KLHL1: variants seen among roughly 807,000 people sequenced by gnomAD.
KLHL1 encodes the protein kelch-like protein 1.
KLHL1 carries 47 observed loss-of-function variants against 77.7 expected under a neutral mutation model. That is an observed-to-expected ratio of 0.60 (90% CI 0.48 to 0.77). KLHL1 has a LOEUF of 0.77. KLHL1 is among the 30% of genes least tolerant of loss of function. The pLI, the probability that KLHL1 is intolerant of heterozygous loss-of-function variation, is 0.00. For missense variants in KLHL1, 925 were observed against 910.8 expected (o/e 1.02, Z -0.20); for synonymous variants, 360 against 325.2 (o/e 1.11, Z -1.15).
rs572951576 is a variant in KLHL1, at chr13:69,968,308, A to G, written c.681-6864T>C. Among the ~76,000 whole-genome samples, 38 of 143,318 alleles carry G rather than the reference A, an allele frequency of 2.7e-4. 1 individual carries two copies. The South Asian group carries it at 8.2e-3, about 31-fold the overall frequency. The allele number at this position is 143,318 out of a possible 152,430, so 94.0% of individuals were successfully genotyped here. A position where few individuals can be genotyped will look rare whatever the true frequency, so the allele number is the denominator to read the frequency against. Reference sequence around the variant, plus strand: ...GTGCTACTGCACACTTATTAGACCTATGGTATCATGTAAATAGAACTGATA... The same window carrying G: ...GTGCTACTGCACACTTATTAGACCTGTGGTATCATGTAAATAGAACTGATA... On this transcript the variant is annotated intron_variant, in intron 2 of 10. Coordinates refer to ENST00000377844, the MANE Select transcript of KLHL1 (RefSeq NM_020866.3).
At chr13:69,748,146 G>A (rs745575917) in intron 7 of KLHL1, among the ~76,000 whole-genome samples, 39 of 151,912 alleles carry the variant, frequency 2.6e-4, no homozygotes, top group Non-Finnish European at 4.6e-4. Context: ...ATTAACCAAA[G>A]TATTGCCAGT....
intron 7 of KLHL1, among the ~76,000 whole-genome samples, chr13:69,752,694 G>C (rs1268647021): frequency 6.6e-6 from 1 of 152,138 alleles, no homozygotes; most frequent in Admixed American, 6.6e-5. Context: ...TGAGGCCACT[G>C]ACCTGGGGGT....
At chr13:69,979,142 A>T (rs558371502) in intron 1 of KLHL1, among the ~76,000 whole-genome samples, 89 of 150,096 alleles carry the variant, frequency 5.9e-4, no homozygotes, top group Middle Eastern at 6.9e-3. Context: ...ATGGGATTAA[A>T]AAAACAGAAA....
At chr13:69,895,744 G>A (rs562638345) in intron 4 of KLHL1, among the ~76,000 whole-genome samples, 22 of 142,312 alleles carry the variant, frequency 1.5e-4, no homozygotes, top group South Asian at 6.7e-4. Context: ...TTGCTCTGTC[G>A]CCCAAGTTGA....
chr13:70,102,127 C>A (rs933969400), intron 1 of KLHL1, among the ~76,000 whole-genome samples: 1 of 152,100 alleles, frequency 6.6e-6, no homozygotes, highest in East Asian at 1.9e-4. Context: ...TTGGTTATCC[C>A]CTTGACTGAG....
chr13:69,783,032 TTTTCCAGCCACCGCTGCTGA>T (rs1457661826), intron 7 of KLHL1, among the ~76,000 whole-genome samples: 7 of 152,100 alleles, frequency 4.6e-5, no homozygotes, highest in Non-Finnish European at 1.0e-4. Flanking sequence ...GCCACTGCTG[TTTTCCAGCCACCGCTGCTGA>T]TACCCAGGCA....
At chr13:69,956,096 GAT>G (rs1038076152) in intron 3 of KLHL1, among the ~76,000 whole-genome samples, 12 of 125,488 alleles carry the variant, frequency 9.6e-5, no homozygotes, top group African/African-American at 2.6e-4. Flanking sequence ...TTATATATTT[GAT>G]ATATATATTT....
chr13:69,739,271 C>T (rs1034626590), intron 8 of KLHL1, among the ~76,000 whole-genome samples: 6 of 152,058 alleles, frequency 3.9e-5, no homozygotes, highest in African/African-American at 7.2e-5. Flanking sequence ...ATGAAAAGGA[C>T]GAATTGTTAC....
chr13:70,057,782 C>CAAAAAAAAAA (rs60920874), intron 1 of KLHL1, among the ~76,000 whole-genome samples: 1 of 62,250 alleles, frequency 1.6e-5, no homozygotes, highest in Non-Finnish European at 2.8e-5. Context: ...GACTCCGTCT[C>CAAAAAAAAAA]AAAAAAAAAA....
At chr13:69,919,413 T>G (rs1882558295) in intron 4 of KLHL1, among the ~76,000 whole-genome samples, 1 of 152,102 alleles carries the variant, frequency 6.6e-6, no homozygotes, top group African/African-American at 2.4e-5. Context: ...GCTGACATGG[T>G]TTGAATTCTA....
chr13:69,834,099 T>C (rs1026803989), intron 6 of KLHL1, among the ~76,000 whole-genome samples: 27 of 150,650 alleles, frequency 1.8e-4, no homozygotes, highest in African/African-American at 6.1e-4. Flanking sequence ...GATGAAAGAG[T>C]GGAGGTTGAG....
intron 1 of KLHL1, among the ~76,000 whole-genome samples, chr13:70,063,895 T>G (rs1307966436): frequency 6.6e-6 from 1 of 152,096 alleles, no homozygotes; most frequent in Non-Finnish European, 1.5e-5. Flanking sequence ...TTTATATGAT[T>G]GGATGCTTTC....
At chr13:70,079,953 T>C (rs1378290873) in intron 1 of KLHL1, among the ~76,000 whole-genome samples, 1 of 152,322 alleles carries the variant, frequency 6.6e-6, no homozygotes, top group East Asian at 1.9e-4. Context: ...TGATCGCCAG[T>C]GCAGGTTCAC....
intron 4 of KLHL1, among the ~76,000 whole-genome samples, chr13:69,916,564 G>C (rs1269025093): frequency 6.6e-6 from 1 of 151,882 alleles, no homozygotes; most frequent in Non-Finnish European, 1.5e-5. Context: ...CAGAGGAAGG[G>C]GAACATCACA....
At chr13:69,979,319 A>G (rs1210098621) in intron 1 of KLHL1, among the ~76,000 whole-genome samples, 1 of 151,856 alleles carries the variant, frequency 6.6e-6, no homozygotes, top group Non-Finnish European at 1.5e-5. Flanking sequence ...GTTTCACTTG[A>G]TTTTCTCTCA....
chr13:69,960,054 G>A (rs78152324), intron 3 of KLHL1, among the ~76,000 whole-genome samples: 1,979 of 147,950 alleles, frequency 0.013, 30 homozygotes, highest in Non-Finnish European at 0.019. Flanking sequence ...ACCAAAAAAT[G>A]TCTAAGTATT....
chr13:70,031,827 T>C (rs1038748405), intron 1 of KLHL1, among the ~76,000 whole-genome samples: 7 of 152,180 alleles, frequency 4.6e-5, no homozygotes, highest in Admixed American at 6.5e-5. Flanking sequence ...AACAAATTAA[T>C]AATATGGTTG....
At chr13:69,911,568 GAAA>G (rs10717768) in intron 4 of KLHL1, among the ~76,000 whole-genome samples, 3 of 137,450 alleles carry the variant, frequency 2.2e-5, no homozygotes, top group Non-Finnish European at 3.2e-5. Context: ...ATATCATCAA[GAAA>G]AAAAAAAAAA....
intron 4 of KLHL1, among the ~76,000 whole-genome samples, chr13:69,924,470 C>T (rs779507405): frequency 1.3e-5 from 2 of 152,198 alleles, no homozygotes; most frequent in Non-Finnish European, 2.9e-5. Context: ...CAGGGTCTCA[C>T]CCCTTCTGAG....
Sources: gnomAD v4.1 joint callset for allele counts (sites outside exome capture counted in the v4.1 genomes callset) on GRCh38, gnomAD v4.1.1 for gene constraint, MANE v1.5 for transcripts, NCBI Gene and HGNC (gene_info 2026-07-23, HGNC 2026-07-21) for gene names.